Variants in ZBTB7C observed in about 807,000 individuals in gnomAD.
ZBTB7C encodes zinc finger and BTB domain-containing protein 7C.
ZBTB7C carries 8 observed loss-of-function variants against 25.7 expected under a neutral mutation model. The observed-to-expected ratio is 0.31, with a 90% CI of 0.18 to 0.56. The LOEUF (loss-of-function observed/expected upper bound fraction) is 0.56, where lower values mean the gene tolerates loss of function less well. Ranked by LOEUF, ZBTB7C falls within the 20% of genes least tolerant of loss-of-function variation. ZBTB7C has a pLI of 0.91. For synonymous variants in ZBTB7C, 394 were observed against 369.0 expected, an observed-to-expected ratio of 1.07 and a Z score of -0.78; for missense variants, 824 against 855.2, an observed-to-expected ratio of 0.96 and a Z score of 0.46.
intron 1 of ZBTB7C, among the ~76,000 whole-genome samples, chr18:48,353,032 T>C (rs1416668662): frequency 6.6e-6 from 1 of 152,188 alleles, no homozygotes; most frequent in African/African-American, 2.4e-5. Context: ...GAAAATTCTC[T>C]AGAAGCCTAA....
At chr18:48,324,015 C>G (rs866163649) in intron 2 of ZBTB7C, among the ~76,000 whole-genome samples, 1 of 152,112 alleles carries the variant, frequency 6.6e-6, no homozygotes, top group African/African-American at 2.4e-5. Flanking sequence ...GCTGCCTTGA[C>G]CCTTCCACCA....
chr18:48,044,597 G>T (rs774168648), intron 3 of ZBTB7C, among the ~76,000 whole-genome samples: 1 of 152,242 alleles, frequency 6.6e-6, no homozygotes, highest in African/African-American at 2.4e-5. Flanking sequence ...TTTAGTTTTG[G>T]ATGCTCAGAG....
At chr18:48,162,151 A>T (rs2041080743) in intron 3 of ZBTB7C, among the ~76,000 whole-genome samples, 1 of 149,250 alleles carries the variant, frequency 6.7e-6, no homozygotes, top group South Asian at 2.1e-4. Context: ...GGCTGTAGTT[A>T]TCAGCTGGGT....
chr18:48,303,608 G>T (rs963442505), intron 2 of ZBTB7C, among the ~76,000 whole-genome samples: 3 of 152,208 alleles, frequency 2.0e-5, no homozygotes, highest in Non-Finnish European at 4.4e-5. Context: ...TCCGAGAAAA[G>T]CTTAGAAGAA....
intron 1 of ZBTB7C, among the ~76,000 whole-genome samples, chr18:48,341,002 G>A (rs761759167): frequency 7.4e-4 from 112 of 152,166 alleles, no homozygotes; most frequent in Non-Finnish European, 1.4e-3. Flanking sequence ...AGAAGGAGGT[G>A]AGTCTGTTCC....
intron 2 of ZBTB7C, among the ~76,000 whole-genome samples, chr18:48,189,552 A>G (rs903990220): frequency 1.3e-5 from 2 of 152,286 alleles, no homozygotes; most frequent in African/African-American, 4.8e-5. Context: ...GAAAAATAAA[A>G]TTATGATTCA....
At chr18:48,049,587 C>G (rs1034173754) in intron 3 of ZBTB7C, among the ~76,000 whole-genome samples, 1 of 151,898 alleles carries the variant, frequency 6.6e-6, no homozygotes, top group Non-Finnish European at 1.5e-5. Flanking sequence ...CCGTGGGATA[C>G]CTGACATTTG....
intron 3 of ZBTB7C, chr18:48,180,344 GA>G (rs1195354586): frequency 2.2e-6 from 1 of 456,464 alleles, no homozygotes; most frequent in Non-Finnish European, 4.4e-6. Context: ...TCATATTTCA[GA>G]TGGAAATGTA....
rs116359302 is a variant in ZBTB7C at position 48,332,031 on chromosome 18, C to T, written c.-79+6143G>A. Among the ~76,000 whole-genome samples, 211 of 152,280 alleles carry T rather than the reference C, an allele frequency of 1.4e-3. 1 individual carries two copies. The highest frequency in any genetic ancestry group is 4.9e-3 in the African/African-American group (202 of 41,556). The stretch of plus-strand genomic sequence containing the variant: ...ATAACACTGTCACAGCATTACACAT[C>T]CTAAAAAATTAACACTAATTCCTTA... On this transcript the variant is annotated intron_variant, in intron 2 of 4. Coordinates refer to ENST00000590800, the MANE Select transcript of ZBTB7C (RefSeq NM_001318841.2).
chr18:48,278,728 A>G (rs2044742635), intron 2 of ZBTB7C, among the ~76,000 whole-genome samples: 2 of 152,106 alleles, frequency 1.3e-5, no homozygotes, highest in African/African-American at 4.8e-5. Flanking sequence ...GCGTCCAGCC[A>G]TCCTCCTCAA....
At chr18:48,243,057 G>A (rs9949800) in intron 2 of ZBTB7C, among the ~76,000 whole-genome samples, 7,837 of 151,968 alleles carry the variant, frequency 0.052, 872 homozygotes, top group East Asian at 0.48. Context: ...TGAGGACAGA[G>A]TTCAAGACCA....
chr18:48,402,080 T>C (rs1402089073), intron 1 of ZBTB7C, among the ~76,000 whole-genome samples: 2 of 151,972 alleles, frequency 1.3e-5, no homozygotes, highest in Non-Finnish European at 2.9e-5. Flanking sequence ...CTGGGCAAAA[T>C]AGTTTCTGAG....
intron 3 of ZBTB7C, among the ~76,000 whole-genome samples, chr18:48,054,535 C>G (rs937473662): frequency 2.0e-5 from 3 of 152,160 alleles, no homozygotes; most frequent in Non-Finnish European, 4.4e-5. Flanking sequence ...TTGTCTACCT[C>G]AATTTAGAGA....
intron 3 of ZBTB7C, among the ~76,000 whole-genome samples, chr18:48,167,563 G>GGTGTGTGTGTGTGTGTTTGTGT (rs1555705393): frequency 0.074 from 10,470 of 142,412 alleles, 463 homozygotes; most frequent in Admixed American, 0.093. Context: ...GCATTGCTAG[G>GGTGTGTGTGTGTGTGTTTGTGT]GTGTGTGTGT....
At chr18:48,130,144 C>T (rs2039943680) in intron 3 of ZBTB7C, among the ~76,000 whole-genome samples, 1 of 152,200 alleles carries the variant, frequency 6.6e-6, no homozygotes, top group Admixed American at 6.5e-5. Context: ...TCATCCCAAT[C>T]AAGGAGCCCT....
At chr18:48,341,488 C>T (rs752849760) in intron 1 of ZBTB7C, among the ~76,000 whole-genome samples, 25 of 152,230 alleles carry the variant, frequency 1.6e-4, no homozygotes, top group Non-Finnish European at 3.4e-4. Flanking sequence ...CTGAGGAGAG[C>T]GGACAGGCTC....
At chr18:48,374,561 T>C (rs2047470150) in intron 1 of ZBTB7C, among the ~76,000 whole-genome samples, 1 of 152,220 alleles carries the variant, frequency 6.6e-6, no homozygotes, top group Admixed American at 6.5e-5. Context: ...TTCTCCCTGC[T>C]TTTCTTTTGG....
intron 4 of ZBTB7C, among the ~76,000 whole-genome samples, chr18:48,037,047 G>C (rs72918154): frequency 0.16 from 24,248 of 152,174 alleles, 2,228 homozygotes; most frequent in Middle Eastern, 0.24. Flanking sequence ...AGCCCACAGT[G>C]AGCAATAAAG....
At chr18:48,290,623 C>T (rs747522349) in intron 2 of ZBTB7C, among the ~76,000 whole-genome samples, 1 of 152,184 alleles carries the variant, frequency 6.6e-6, no homozygotes, top group Non-Finnish European at 1.5e-5. Context: ...CCTGGGCAGA[C>T]AACAGGATCT....
Sources: allele counts gnomAD v4.1 joint callset (sites outside exome capture counted in the v4.1 genomes callset), GRCh38; gene constraint gnomAD v4.1.1; transcripts MANE v1.5; gene names NCBI Gene and HGNC (gene_info 2026-07-23, HGNC 2026-07-21).